Variants in LRRC37A2 observed in about 807,000 individuals in gnomAD.
LRRC37A2 encodes the protein leucine-rich repeat-containing protein 37A2.
In LRRC37A2, 9 loss-of-function variants were observed where a neutral mutation model predicts 68.8. That is an observed-to-expected ratio of 0.13 (90% CI 0.08 to 0.23). LRRC37A2 has a LOEUF of 0.23. Among genes scored for constraint, LRRC37A2 ranks in the 10% least tolerant of loss-of-function variants. LRRC37A2 has a pLI of 1.00. For synonymous variants in LRRC37A2, 63 were observed against 367.6 expected (o/e 0.17, Z 9.48); for missense variants, 168 against 950.4 (o/e 0.18, Z 10.82).
At chr17:46,868,211 T>A in the LRRC37A2 span, among the ~76,000 whole-genome samples, 4 of 152,160 alleles carry the variant, frequency 2.6e-5, no homozygotes, top group Non-Finnish European at 4.4e-5. Context: ...AAACAACCCT[T>A]CCTCTGCCCT....
At chr17:47,010,959 G>A in the LRRC37A2 span, among the ~76,000 whole-genome samples, 1 of 152,196 alleles carries the variant, frequency 6.6e-6, no homozygotes, top group East Asian at 1.9e-4. Context: ...CTGGGATCTT[G>A]TAAATTTTAT....
chr17:46,390,472 G>A, the LRRC37A2 span, among the ~76,000 whole-genome samples: 2 of 113,740 alleles, frequency 1.8e-5, no homozygotes, highest in African/African-American at 5.9e-5. Context: ...GGCGGATCAC[G>A]AGGTCAGGAG....
the LRRC37A2 span, chr17:46,768,398 G>A: frequency 2.5e-6 from 4 of 1,613,934 alleles, no homozygotes; most frequent in East Asian, 6.7e-5. This position sits in a 1 kb window ranked among gnomAD's most constrained non-coding sequence, Gnocchi z 5.0. Flanking sequence ...AGATGCAGTG[G>A]CATTTTTCCT....
the LRRC37A2 span, chr17:46,704,987 A>C: frequency 4.7e-6 from 3 of 635,314 alleles, no homozygotes; most frequent in Non-Finnish European, 5.1e-6. Flanking sequence ...AGAAAATTTT[A>C]GTATTGGAAA....
chr17:46,783,125 G>C, the LRRC37A2 span, among the ~76,000 whole-genome samples: 2 of 152,246 alleles, frequency 1.3e-5, no homozygotes, highest in East Asian at 3.8e-4. Context: ...TCTCCAGCAG[G>C]GGTGGGAGCA....
In LRRC37A2 at chr17:46,551,164, A is replaced by AT. The variant is rs1452979238; in HGVS notation, c.4809+647dup. Among the ~76,000 whole-genome samples, 18 of 149,582 alleles carry AT rather than the reference A, an allele frequency of 1.2e-4. 2 individuals are homozygous for AT. Among genetic ancestry groups the AT allele is most frequent in the African/African-American group, 4.4e-4 (17 of 39,032 alleles). ...CCATTTCTTGGACACCATGTGAGAC[A>AT]TTCCCCCTCAGATTAGAGATGCTCA... On this transcript the variant is annotated intron_variant, in intron 11 of 14. Coordinates refer to ENST00000576629, the Ensembl canonical transcript of LRRC37A2.
chr17:46,501,639 C>T, the LRRC37A2 span, among the ~76,000 whole-genome samples: 2 of 151,314 alleles, frequency 1.3e-5, no homozygotes, highest in South Asian at 4.1e-4. Context: ...TTTAAGCGGC[C>T]TTGTAGAAAT....
the LRRC37A2 span, among the ~76,000 whole-genome samples, chr17:46,772,004 CG>C: frequency 1.3e-5 from 2 of 151,134 alleles, no homozygotes; most frequent in African/African-American, 4.8e-5. Flanking sequence ...ACGCGCGCCC[CG>C]GGCTGCCCGA....
At chr17:46,840,037 T>G in the LRRC37A2 span, among the ~76,000 whole-genome samples, 1 of 144,032 alleles carries the variant, frequency 6.9e-6, no homozygotes, top group African/African-American at 2.6e-5. Context: ...CTTTCTTTTC[T>G]TTCTTTCTTT....
At chr17:46,731,172 T>G in the LRRC37A2 span, among the ~76,000 whole-genome samples, 4 of 152,078 alleles carry the variant, frequency 2.6e-5, no homozygotes, top group African/African-American at 9.7e-5. Flanking sequence ...AAAAAAGTAG[T>G]ACCATTACAT....
the LRRC37A2 span, among the ~76,000 whole-genome samples, chr17:46,613,244 A>G: frequency 3.0e-4 from 1 of 3,288 alleles, no homozygotes; most frequent in Admixed American, 3.3e-3. Context: ...TGCCACTGTG[A>G]TCCAGCCTGA....
chr17:46,822,237 C>T, the LRRC37A2 span, among the ~76,000 whole-genome samples: 4 of 151,976 alleles, frequency 2.6e-5, no homozygotes, highest in East Asian at 7.7e-4. Context: ...CGGTTTTAGG[C>T]GAGCTCCCTA....
At chr17:46,837,238 GC>G in the LRRC37A2 span, among the ~76,000 whole-genome samples, 1 of 152,182 alleles carries the variant, frequency 6.6e-6, no homozygotes, top group Admixed American at 6.5e-5. Flanking sequence ...ACCGTGCCTG[GC>G]TGAACCTTGC....
the LRRC37A2 span, chr17:47,021,992 G>A: frequency 7.3e-7 from 1 of 1,364,592 alleles, no homozygotes; most frequent in Non-Finnish European, 1.0e-6. Flanking sequence ...CCAGCATTTT[G>A]AGGTCGGTAC....
At chr17:46,866,160 T>C in the LRRC37A2 span, among the ~76,000 whole-genome samples, 3 of 151,854 alleles carry the variant, frequency 2.0e-5, no homozygotes, top group African/African-American at 7.3e-5. Flanking sequence ...GTAGGGGAAA[T>C]CTGGGGCCTC....
the LRRC37A2 span, among the ~76,000 whole-genome samples, chr17:46,827,799 A>G: frequency 3.3e-5 from 5 of 150,914 alleles, no homozygotes; most frequent in African/African-American, 4.9e-5. Context: ...TTTTTTTGAG[A>G]CAGAAATTTC....
the LRRC37A2 span, among the ~76,000 whole-genome samples, chr17:46,723,859 G>A: frequency 6.6e-5 from 10 of 152,222 alleles, no homozygotes; most frequent in South Asian, 8.3e-4. Flanking sequence ...ATACAATCAG[G>A]AAAATGTTTC....
At chr17:46,922,951 A>T in the LRRC37A2 span, 2 of 590,638 alleles carry the variant, frequency 3.4e-6, no homozygotes, top group East Asian at 5.6e-5. Flanking sequence ...GCGAACATGT[A>T]CACCGCCTTG....
the LRRC37A2 span, chr17:47,021,738 A>T: frequency 1.3e-6 from 1 of 787,064 alleles, no homozygotes; most frequent in East Asian, 2.5e-5. Flanking sequence ...ATGAGAAAGC[A>T]GGTGTTATTT....
Sources: gnomAD v4.1 joint callset for allele counts (sites outside exome capture counted in the v4.1 genomes callset) on GRCh38, gnomAD v4.1.1 for gene constraint, Gnocchi (gnomAD v3.1) non-coding constraint, MANE v1.5 for transcripts, NCBI Gene and HGNC (gene_info 2026-07-23, HGNC 2026-07-21) for gene names.